The following SHOX variants were observed in gnomAD, a reference collection of about 807,000 sequenced individuals.
The protein encoded by SHOX is SHOX homeobox, also known as short stature homeobox protein.
Under a neutral mutation model 29.6 loss-of-function variants are expected in SHOX, and 12 were observed. That is an observed-to-expected ratio of 0.41 (90% CI 0.26 to 0.66). The LOEUF (loss-of-function observed/expected upper bound fraction) is 0.66, where lower values mean the gene tolerates loss of function less well. Ranked by LOEUF, SHOX falls within the 30% of genes least tolerant of loss-of-function variation. The pLI is 0.35. For synonymous variants in SHOX, 214 were observed against 200.6 expected (o/e 1.07, Z -0.57); for missense variants, 499 against 437.7 (o/e 1.14, Z -1.25).
chrX:642,904 TC>T (rs2052881992), intron 4 of SHOX, among the ~76,000 whole-genome samples: 1 of 144,222 alleles, frequency 6.9e-6, no homozygotes, highest in African/African-American at 2.6e-5. Context: ...GGACCTGGTG[TC>T]CCTGGAGAGG....
At chrX:634,434 C>G (rs955449055) in intron 1 of SHOX, among the ~76,000 whole-genome samples, 184 bp from the exon 2 acceptor site, 2 of 152,224 alleles carry the variant, frequency 1.3e-5, no homozygotes, top group Non-Finnish European at 2.9e-5. Flanking sequence ...CGTGCAAAGC[C>G]CAGGTTTTTG....
In SHOX at chrX:644,627, G is replaced by A. The variant is rs746391025; in HGVS notation, c.870G>A (p.Leu290=). The change falls in exon 5 of 5, where the codon CTG becomes CTA. Residue 290 remains leucine, a synonymous_variant. Transcript: ENST00000686671. The part of the protein sequence containing the change: ...RLKARKHAEA[L]GL ...AGGCGCGGAAGCACGCGGAGGCCCT[G>A]GGGCTCTGACCCGCCGCGCAGCCCC... 3,603 of 1,496,816 alleles carry A rather than the reference G, an allele frequency of 2.4e-3. 46 individuals carry two copies. In the African/African-American group the frequency reaches 0.033, roughly 14 times the overall value. 92.7% of individuals were successfully genotyped at this position (1,496,816 alleles called of 1,614,324 possible).
chrX:631,403 G>C (rs185798654), intron 1 of SHOX, among the ~76,000 whole-genome samples: 1 of 152,232 alleles, frequency 6.6e-6, no homozygotes, highest in African/African-American at 2.4e-5. Flanking sequence ...AGGGAGGGTC[G>C]CAGCGGGGGC....
In SHOX at chrX:624,914, CTTTCTTTCTTTCTTTCT is replaced by C. The variant is rs1569491717; in HGVS notation, c.-433+325_-433+341del. Reference sequence around the variant, plus strand: ...TCTTTCTTTCTTTCTCTCTTCCTTTCTTTCTTTCTTTCTTTCTTTTCTTTCTTTCACTTGGCAAGATT... The same window carrying C: ...TCTTTCTTTCTTTCTCTCTTCCTTTCTTTCTTTCTTTCACTTGGCAAGATT... On this transcript the variant is annotated intron_variant, in intron 1 of 5. Transcript: ENST00000334060. Among the ~76,000 whole-genome samples the C allele has an allele frequency of 7.5e-4, 61 of 81,086 alleles. No homozygotes were observed. In the South Asian group the frequency reaches 0.012, roughly 16 times the overall value. The allele number at this position is 81,086 out of a possible 152,430, so 53.2% of individuals were successfully genotyped here. A position where few individuals can be genotyped will look rare whatever the true frequency, so the allele number is the denominator to read the frequency against.
rs201032866 is a variant in SHOX at position 624,909 on chromosome X, C to CCTTTCTTTCTTTCTTTCTTT, written c.-433+312_-433+331dup. Among the ~76,000 whole-genome samples, 7 of 38,958 alleles carry CCTTTCTTTCTTTCTTTCTTT rather than the reference C, an allele frequency of 1.8e-4. 1 individual carries two copies. The highest frequency in any genetic ancestry group is 4.6e-4 in the Non-Finnish European group (6 of 13,072). 25.6% of individuals were successfully genotyped at this position (38,958 alleles called of 152,430 possible). ...TTCTTTCTTTCTTTCTTTCTCTCTTCCTTTCTTTCTTTCTTTCTTTCTTTT... is the reference window on the plus strand; with the variant it reads ...TTCTTTCTTTCTTTCTTTCTCTCTTCCTTTCTTTCTTTCTTTCTTTCTTTCTTTCTTTCTTTCTTTCTTTT... On this transcript the variant is annotated intron_variant, in intron 1 of 5. Coordinates refer to the SHOX transcript ENST00000334060.
chrX:651,996 C>T (rs1024875517), downstream of SHOX, among the ~76,000 whole-genome samples: 26 of 152,072 alleles, frequency 1.7e-4, no homozygotes, highest in Admixed American at 7.2e-4. Context: ...GATCTCGGCT[C>T]ACCGCGACCT....
rs1277778332 is a variant in SHOX at position 636,261 on chromosome X, CAT to C, written c.486+1437_486+1438del. ...TCTATAAACATATATAATATATAAA[CAT>C]AAATATATAAACATATATAATATAT... is the stretch of plus-strand genomic sequence containing the variant. On this transcript the variant is annotated intron_variant, in intron 2 of 4. Coordinates refer to ENST00000686671, the MANE Select transcript of SHOX (RefSeq NM_000451.4). Among the ~76,000 whole-genome samples the C allele has an allele frequency of 4.3e-5, 6 of 139,746 alleles. No homozygotes were observed. In the South Asian group the frequency reaches 1.3e-3, roughly 31 times the overall value. 91.7% of individuals were successfully genotyped at this position (139,746 alleles called of 152,430 possible). A position where few individuals can be genotyped will look rare whatever the true frequency, so the allele number is the denominator to read the frequency against.
chrX:639,384 C>T (rs1480117035), intron 2 of SHOX, among the ~76,000 whole-genome samples: 4 of 142,912 alleles, frequency 2.8e-5, no homozygotes, highest in Admixed American at 6.8e-5. Flanking sequence ...CCGAGGAGGC[C>T]GAGAAGGGCA....
chrX:632,943 T>C (rs2052676731), intron 1 of SHOX, among the ~76,000 whole-genome samples: 1 of 152,042 alleles, frequency 6.6e-6, no homozygotes, highest in South Asian at 2.1e-4. Context: ...CTCTGAACTC[T>C]CTCTTCTCCC....
upstream of SHOX, among the ~76,000 whole-genome samples, chrX:628,551 TTC>T (rs1239302815): frequency 2.8e-5 from 1 of 35,556 alleles, no homozygotes; most frequent in African/African-American, 9.1e-5. Flanking sequence ...GTCTCTCTCT[TTC>T]TCTCTCTATC....
intron 5 of SHOX, among the ~76,000 whole-genome samples, chrX:656,856 AAAAACTGCTGCCCAAGC>A (rs1569496791): frequency 8.0e-6 from 1 of 125,316 alleles, no homozygotes; most frequent in African/African-American, 2.8e-5. Flanking sequence ...AAAAAAAAAA[AAAAACTGCTGCCCAAGC>A]TGTGTTTGCA....
At chrX:635,518 C>T (rs1279735786) in intron 2 of SHOX, among the ~76,000 whole-genome samples, 3 of 152,296 alleles carry the variant, frequency 2.0e-5, no homozygotes, top group Non-Finnish European at 4.4e-5. Flanking sequence ...CCCCTCCTCC[C>T]TCCGGCTGTG....
chrX:634,580 C>T (rs373748916), intron 1 of SHOX, 38 bp from the exon 2 acceptor site: 1 of 1,607,716 alleles, frequency 6.2e-7, no homozygotes, highest in Non-Finnish European at 8.5e-7. Flanking sequence ...CGCAAAACCT[C>T]CCCGGCCTCA....
At chrX:643,969 TCGGGAGAGCC>T (rs1569495121) in intron 4 of SHOX, among the ~76,000 whole-genome samples, 4 of 138,920 alleles carry the variant, frequency 2.9e-5, no homozygotes, top group African/African-American at 6.0e-5. Context: ...ACCTGGTGTC[TCGGGAGAGCC>T]TTGGTGACCT....
chrX:632,215 G>A (rs2052663645), intron 1 of SHOX, among the ~76,000 whole-genome samples: 1 of 151,996 alleles, frequency 6.6e-6, no homozygotes, highest in Non-Finnish European at 1.5e-5. Flanking sequence ...GGTTGTCAGA[G>A]CGCAGCCGGT....
In SHOX at chrX:645,388, G is replaced by GTTTTTTTTTTTTT. The variant is rs1398738646; in HGVS notation, c.*753_*754insTTTTTTTTTTTTT. ...TTGGGTCTGGTTTTGTTTTGGATTG[G>GTTTTTTTTTTTTT]TATTTTTTTTTTTTTTTTTTTTTTT... is the stretch of plus-strand genomic sequence containing the variant. On this transcript the variant is annotated 3_prime_UTR_variant, in exon 5 of 5. Transcript: ENST00000686671. 1.5e-4 allele frequency: 12 copies of GTTTTTTTTTTTTT among 77,748 alleles called. 1 individual carries two copies. The highest frequency in any genetic ancestry group is 4.5e-4 in the African/African-American group (11 of 24,340). The allele number at this position is 77,748 out of a possible 1,614,324, so 4.8% of individuals were successfully genotyped here.
At chrX:631,342 G>A in intron 1 of SHOX, 168 bp downstream of exon 1, 1 of 397,062 alleles carries the variant, frequency 2.5e-6, no homozygotes, top group East Asian at 1.6e-4. Flanking sequence ...GAAGGCAGGA[G>A]TGGACCCGAC....
rs374024890 is a variant in SHOX, at chrX:644,484, C to G, written c.727C>G (p.Pro243Ala). The stretch of plus-strand genomic sequence containing the variant: ...GCACGCGCCCTACCTGATGTTCCCC[C>G]CGCCGCCCTTCGGGCTGCCCATCGC... ...AAHAPYLMFP[P>A]PPFGLPIASL... Residue 243 changes from proline (P) to alanine (A), a missense_variant, in exon 5 of 5, where the codon CCG becomes GCG. Coordinates refer to ENST00000686671, the MANE Select transcript of SHOX (RefSeq NM_000451.4). 2.0e-6 allele frequency: 3 copies of G among 1,523,942 alleles called. No homozygotes were observed. The highest frequency in any genetic ancestry group is 2.6e-6 in the Non-Finnish European group (3 of 1,142,864). The allele number at this position is 1,523,942 out of a possible 1,614,324, so 94.4% of individuals were successfully genotyped here.
At position 631,111 on chromosome X, in the gene SHOX, A is replaced by G. The variant is rs778804130; in HGVS notation, c.214A>G (p.Lys72Glu). Residue 72 changes from lysine (K) to glutamate (E), a missense_variant, in exon 1 of 5, where the codon AAG becomes GAG. Transcript: ENST00000686671. Reference protein sequence around the residue: ...GGGHCPVHLFKDHVDNDKEKL... With the variant: ...GGGHCPVHLFEDHVDNDKEKL... ...CGGCCACTGCCCGGTGCATTTGTTC[A>G]AGGACCACGTAGACAATGACAAGGA... 1.9e-6 allele frequency: 3 copies of G among 1,613,704 alleles called. No homozygotes were observed. Among genetic ancestry groups the G allele is most frequent in the African/African-American group, 1.3e-5 (1 of 75,050 alleles).
Sources: allele counts gnomAD v4.1 joint callset (sites outside exome capture counted in the v4.1 genomes callset), GRCh38; gene constraint gnomAD v4.1.1; transcripts MANE v1.5; gene names NCBI Gene and HGNC (gene_info 2026-07-23, HGNC 2026-07-21).